The following AR variants were observed in gnomAD, a reference collection of about 807,000 sequenced individuals.
AR encodes dihydrotestosterone receptor.
Under a neutral mutation model 53.9 loss-of-function variants are expected in AR, and 8 were observed. The observed-to-expected ratio is 0.15, with a 90% CI of 0.09 to 0.27. The LOEUF (loss-of-function observed/expected upper bound fraction) is 0.27, where lower values mean the gene tolerates loss of function less well. Ranked by LOEUF, AR falls within the 10% of genes least tolerant of loss-of-function variation. The probability of loss-of-function intolerance (pLI) is 1.00; values close to 1 mark genes in which losing one functional copy is unlikely to be tolerated. For missense variants in AR, 639 were observed against 742.5 expected, an observed-to-expected ratio of 0.86 and a Z score of 1.62; for synonymous variants, 359 against 316.4, an observed-to-expected ratio of 1.13 and a Z score of -1.43.
intron 1 of AR, among the ~76,000 whole-genome samples, chrX:67,596,053 C>A (rs1338529095): frequency 9.1e-6 from 1 of 109,605 alleles, no homozygotes; most frequent in Non-Finnish European, 1.9e-5. Context: ...ATAGTAAGTT[C>A]TCATGAGATC....
In AR at chrX:67,630,831, C is replaced by T. The variant is rs1464158193; in HGVS notation, c.1617-12425C>T. On this transcript the variant is annotated intron_variant, in intron 1 of 7. Coordinates refer to ENST00000374690, the MANE Select transcript of AR (RefSeq NM_000044.6). Reference sequence around the variant, plus strand: ...CCTTCAGGACCTCTTTTAGGGCAGGCCTGGTGGTGACAAAATCTCTCGGCA... The same window carrying T: ...CCTTCAGGACCTCTTTTAGGGCAGGTCTGGTGGTGACAAAATCTCTCGGCA... Among the ~76,000 whole-genome samples the T allele has an allele frequency of 7.5e-4, 82 of 109,895 alleles. 1 individual carries two copies. The Admixed American group carries it at 8.0e-3, about 11-fold the overall frequency.
At chrX:67,656,882 A>G (rs1926617285) in intron 2 of AR, among the ~76,000 whole-genome samples, 3 of 109,337 alleles carry the variant, frequency 2.7e-5, no homozygotes, top group Admixed American at 9.9e-5. Context: ...TGAATGAAAC[A>G]CAGTCATTCT....
intron 3 of AR, among the ~76,000 whole-genome samples, chrX:67,704,779 G>A (rs769800070): frequency 3.5e-4 from 39 of 112,032 alleles, no homozygotes; most frequent in Admixed American, 8.5e-4. Context: ...ATGGTTTTAG[G>A]TCTAACATTT....
At chrX:67,657,428 C>T (rs1418150037) in intron 2 of AR, among the ~76,000 whole-genome samples, 4 of 111,267 alleles carry the variant, frequency 3.6e-5, no homozygotes, top group Non-Finnish European at 7.5e-5. Flanking sequence ...GGTACCCCGC[C>T]CTCTCCTGTA....
intron 3 of AR, chrX:67,694,545 C>T: frequency 6.8e-6 from 7 of 1,029,048 alleles, no homozygotes; most frequent in Non-Finnish European, 7.5e-6. Context: ...GGCAACCGCC[C>T]ACCTCCCCAA....
At chrX:67,631,818 G>T (rs1425949751) in intron 1 of AR, among the ~76,000 whole-genome samples, 1 of 112,057 alleles carries the variant, frequency 8.9e-6, no homozygotes, top group East Asian at 2.8e-4. Context: ...TGGGTTTTTG[G>T]TGTGGATGTC....
chrX:67,587,036 C>T (rs1306296478), intron 1 of AR, among the ~76,000 whole-genome samples: 1 of 112,151 alleles, frequency 8.9e-6, no homozygotes, highest in Non-Finnish European at 1.9e-5. Context: ...ATTTAATAAT[C>T]AGGATAGCCC....
intron 2 of AR, among the ~76,000 whole-genome samples, chrX:67,682,894 T>G (rs1340062272): frequency 8.9e-6 from 1 of 111,943 alleles, no homozygotes; most frequent in African/African-American, 3.2e-5. Context: ...AAAGATTCCT[T>G]TCATATCCAT....
rs192889478 is a variant in AR at position 67,577,474 on chromosome X, T to C, written c.1616+30712T>C. Among the ~76,000 whole-genome samples, 13 of 111,721 alleles carry C rather than the reference T, an allele frequency of 1.2e-4. No homozygotes were observed. The East Asian group carries it at 3.4e-3, about 29-fold the overall frequency. Reference sequence around the variant, plus strand: ...GTTTTTGTATGAACATCTGTTTTTATTTCTCCTTGGTATACACCTAGGAGT... The same window carrying C: ...GTTTTTGTATGAACATCTGTTTTTACTTCTCCTTGGTATACACCTAGGAGT... On this transcript the variant is annotated intron_variant, in intron 1 of 7. Transcript: ENST00000374690.
chrX:67,560,963 G>T (rs776571446), intron 1 of AR, among the ~76,000 whole-genome samples: 6 of 112,088 alleles, frequency 5.4e-5, no homozygotes, highest in African/African-American at 1.9e-4. Flanking sequence ...ATAAGATTTT[G>T]TGGAGAGGGG....
At position 67,707,138 on chromosome X, in the gene AR, G is replaced by A. The variant is rs752102056; in HGVS notation, c.1886-4264G>A. On this transcript the variant is annotated intron_variant, in intron 3 of 7. Coordinates refer to ENST00000374690, the MANE Select transcript of AR (RefSeq NM_000044.6). ...ATGTATATTCTGTTGATTTGGGGTGGAGAGTTCTGTATAAGTCTATTAGGT... is the reference window on the plus strand; with the variant it reads ...ATGTATATTCTGTTGATTTGGGGTGAAGAGTTCTGTATAAGTCTATTAGGT... Among the ~76,000 whole-genome samples the A allele has an allele frequency of 4.5e-5, 5 of 111,875 alleles. No individual in the cohort carries two copies. The South Asian group carries it at 1.9e-3, about 42-fold the overall frequency.
intron 1 of AR, among the ~76,000 whole-genome samples, chrX:67,580,210 G>T (rs1374036857): frequency 9.2e-6 from 1 of 109,169 alleles, no homozygotes; most frequent in Non-Finnish European, 1.9e-5. Context: ...CTGCCTCATA[G>T]CCCTGACAGA....
chrX:67,694,583 G>A (rs940069070), intron 3 of AR: 1 of 1,072,800 alleles, frequency 9.3e-7, no homozygotes, highest in Non-Finnish European at 1.2e-6. Context: ...TATGTTAGAG[G>A]ATCTGTCTTA....
At position 67,545,747 on chromosome X, in the gene AR, G is replaced by T. The variant is rs770573613; in HGVS notation, c.601G>T (p.Ala201Ser). 3 of 1,210,122 alleles carry T rather than the reference G, an allele frequency of 2.5e-6. No homozygotes were observed. Among genetic ancestry groups the T allele is most frequent in the Non-Finnish European group, 3.4e-6 (3 of 895,039 alleles). The part of the protein sequence containing the change: ...MQLLQQQQQE[A>S]VSEGSSSGRA... ...ACTCCTTCAGCAACAGCAGCAGGAA[G>T]CAGTATCCGAAGGCAGCAGCAGCGG... The change falls in exon 1 of 8, where the codon GCA (alanine) becomes TCA (serine). Residue 201 changes from alanine (A) to serine (S), a missense_variant. Coordinates refer to ENST00000374690, the MANE Select transcript of AR (RefSeq NM_000044.6).
At chrX:67,548,519 T>C (rs1929863075) in intron 1 of AR, among the ~76,000 whole-genome samples, 1 of 111,279 alleles carries the variant, frequency 9.0e-6, no homozygotes, top group African/African-American at 3.3e-5. Flanking sequence ...AAACTTTTCT[T>C]GGGGGAAAAT....
chrX:67,661,224 G>A (rs927631215), intron 2 of AR, among the ~76,000 whole-genome samples: 5 of 110,799 alleles, frequency 4.5e-5, no homozygotes, highest in Non-Finnish European at 7.6e-5. Flanking sequence ...CTGCCTGATT[G>A]CCCTGGCCAG....
At position 67,686,026 on chromosome X, in the gene AR, G is replaced by A; in HGVS notation, c.1785G>A (p.Leu595=). Residue 595 remains leucine (L), a synonymous_variant, in exon 3 of 8, where the codon CTG becomes CTA. Transcript: ENST00000374690. ...TTCTCCCAGGGAAACAGAAGTACCT[G>A]TGCGCCAGCAGAAATGATTGCACTA... is the stretch of plus-strand genomic sequence containing the variant. ...KRAAEGKQKY[L]CASRNDCTID... 8.3e-7 allele frequency: 1 copy of A among 1,209,670 alleles called. No homozygotes were observed. The highest frequency in any genetic ancestry group is 1.1e-6 in the Non-Finnish European group (1 of 893,642).
chrX:67,698,154 A>G (rs148532036), intron 3 of AR, among the ~76,000 whole-genome samples: 363 of 112,241 alleles, frequency 3.2e-3, no homozygotes, highest in African/African-American at 0.011. Flanking sequence ...TACTCTTTAT[A>G]CATATGTAAG....
chrX:67,651,880 G>A (rs1926364157), intron 2 of AR, among the ~76,000 whole-genome samples: 1 of 111,665 alleles, frequency 9.0e-6, no homozygotes, highest in Admixed American at 9.5e-5. Flanking sequence ...GACCCAGCAT[G>A]GTAGCTCTTA....
Sources: allele counts gnomAD v4.1 joint callset (sites outside exome capture counted in the v4.1 genomes callset), GRCh38; gene constraint gnomAD v4.1.1; transcripts MANE v1.5; gene names NCBI Gene and HGNC (gene_info 2026-07-23, HGNC 2026-07-21).